Variants in FABP6 observed in about 807,000 individuals in gnomAD.
FABP6 encodes the protein gastrotropin.
A neutral mutation model predicts 14.9 loss-of-function variants in FABP6; 13 were observed. That is an observed-to-expected ratio of 0.87 (90% CI 0.57 to 1.39). The LOEUF (loss-of-function observed/expected upper bound fraction) is 1.39, where lower values mean the gene tolerates loss of function less well. Ranked by LOEUF, FABP6 falls within the 40% of genes most tolerant of loss-of-function variation. FABP6 has a pLI of 0.00. For synonymous variants in FABP6, 75 were observed against 63.6 expected (o/e 1.18, Z -0.85); for missense variants, 161 against 167.2 (o/e 0.96, Z 0.20).
chr5:160,212,817 A>T (rs1759920604), intron 2 of FABP6, among the ~76,000 whole-genome samples: 1 of 152,028 alleles, frequency 6.6e-6, no homozygotes, highest in South Asian at 2.1e-4. Flanking sequence ...GGGTTTCAGC[A>T]TGTTGGCCAG....
intron 2 of FABP6, among the ~76,000 whole-genome samples, chr5:160,206,784 A>G (rs778423739): frequency 2.0e-5 from 3 of 152,222 alleles, no homozygotes; most frequent in Non-Finnish European, 2.9e-5. Context: ...AGAGGGACTT[A>G]CAGACCAGAA....
intron 1 of FABP6, among the ~76,000 whole-genome samples, chr5:160,192,329 G>A (rs529278668): frequency 8.1e-5 from 2 of 24,720 alleles, no homozygotes; most frequent in African/African-American, 2.0e-4. Flanking sequence ...GCCCGGCCTC[G>A]CCAGTCTTAT....
At chr5:160,199,073 G>C (rs760701869) in exon 2 of FABP6, 1 of 1,613,586 alleles carries the variant, frequency 6.2e-7, no homozygotes, top group South Asian at 1.1e-5. Flanking sequence ...GCTCCAGGGA[G>C]CTCACAGGCA....
chr5:160,227,557 G>A (rs1760276681), upstream of FABP6, among the ~76,000 whole-genome samples: 1 of 149,534 alleles, frequency 6.7e-6, no homozygotes, highest in Admixed American at 6.7e-5. Context: ...ATGGTGGCAT[G>A]TACTTGTAGT....
upstream of FABP6, among the ~76,000 whole-genome samples, chr5:160,225,461 G>A (rs562421241): frequency 6.7e-6 from 1 of 149,296 alleles, no homozygotes; most frequent in Non-Finnish European, 1.5e-5. Flanking sequence ...GAGTGCAGTG[G>A]TGTGATCTCG....
intron 1 of FABP6, 174 bp from the exon 2 acceptor site, chr5:160,231,924 G>A (rs1476965010): frequency 1.5e-6 from 1 of 645,238 alleles, no homozygotes; most frequent in Middle Eastern, 4.0e-4. Context: ...ACTTTCCCCA[G>A]CCACATGGCT....
chr5:160,190,460 G>A (rs534146030), intron 1 of FABP6, among the ~76,000 whole-genome samples: 2 of 152,240 alleles, frequency 1.3e-5, no homozygotes, highest in East Asian at 1.9e-4. Flanking sequence ...TCGAACTCCC[G>A]ACCTCAGGCG....
At chr5:160,211,194 C>T (rs1448135365) in intron 2 of FABP6, among the ~76,000 whole-genome samples, 3 of 152,126 alleles carry the variant, frequency 2.0e-5, no homozygotes, top group Non-Finnish European at 2.9e-5. Context: ...TCCTTTCCCC[C>T]TTCTTCTGTC....
exon 2 of FABP6, chr5:160,199,115 A>G (rs1343471114): frequency 2.5e-6 from 4 of 1,614,036 alleles, no homozygotes; most frequent in Admixed American, 3.3e-5. Context: ...CGATGAAGAC[A>G]GTGACGATGA....
chr5:160,235,591 A>G (rs184769997), intron 3 of FABP6, among the ~76,000 whole-genome samples: 33 of 152,244 alleles, frequency 2.2e-4, no homozygotes, highest in Admixed American at 2.0e-3. Flanking sequence ...GTTAAAAGGG[A>G]AAAGAAGGCA....
intron 2 of FABP6, among the ~76,000 whole-genome samples, chr5:160,213,029 A>G (rs1457404583): frequency 1.3e-5 from 2 of 152,152 alleles, no homozygotes; most frequent in Non-Finnish European, 2.9e-5. Flanking sequence ...GGTAACTGTC[A>G]CGGACACTCT....
At chr5:160,222,458 C>T (rs1417478347) in intron 3 of FABP6, among the ~76,000 whole-genome samples, 1 of 152,048 alleles carries the variant, frequency 6.6e-6, no homozygotes, top group Non-Finnish European at 1.5e-5. Flanking sequence ...CTCAGCCTCC[C>T]AAGCAGCTGG....
Position 160,234,830 on chromosome 5 carries a change from A to C in FABP6, c.254A>C (p.Gln85Pro). 6.2e-7 allele frequency: 1 copy of C among 1,610,524 alleles called. No individual in the cohort carries two copies. The highest frequency in any genetic ancestry group is 8.5e-7 in the Non-Finnish European group (1 of 1,178,094). The change falls in exon 3 of 4, where the codon CAG becomes CCG. Residue 85 changes from glutamine (Q) to proline (P), a missense_variant. By Grantham distance (76) the Gln-to-Pro change is moderately conservative (BLOSUM62 -1). Transcript: ENST00000402432. Reference sequence around the variant, plus strand: ...GTGCTTCCATTCCAGGCCACTGTGCAGATGGAGGGCGGGAAGCTGGTGGTG... The same window carrying C: ...GTGCTTCCATTCCAGGCCACTGTGCCGATGGAGGGCGGGAAGCTGGTGGTG... ...MGGKTFKATV[Q>P]MEGGKLVVNF...
upstream of FABP6, chr5:160,228,433 A>G (rs1760298302): frequency 2.2e-6 from 1 of 456,090 alleles, no homozygotes; most frequent in African/African-American, 2.0e-5. Flanking sequence ...GCCTTTGCAG[A>G]GTGTTTTATA....
chr5:160,229,124 G>C (rs1282864926), upstream of FABP6, among the ~76,000 whole-genome samples: 2 of 152,222 alleles, frequency 1.3e-5, no homozygotes, highest in African/African-American at 4.8e-5. Context: ...AAAGGTGTGT[G>C]TCTCGTTCAT....
intron 3 of FABP6, among the ~76,000 whole-genome samples, chr5:160,223,818 G>A (rs1352657884): frequency 6.6e-6 from 1 of 151,734 alleles, no homozygotes; most frequent in Non-Finnish European, 1.5e-5. Context: ...AGGCCAATTA[G>A]GCTGGGCACG....
At position 160,209,158 on chromosome 5, in the gene FABP6, G is replaced by T. The variant is rs573096731; in HGVS notation, c.52-4578G>T. On this transcript the variant is annotated intron_variant, in intron 2 of 6. Transcript: ENST00000393980. ...TGTCCCAGCTACTCCAGAGGCTGAG[G>T]CTGCAGTGAGCCATCTTTGCATCAC... Among the ~76,000 whole-genome samples the T allele has an allele frequency of 5.3e-5, 8 of 152,232 alleles. No individual in the cohort carries two copies. In the East Asian group the frequency reaches 1.5e-3, roughly 29 times the overall value.
upstream of FABP6, among the ~76,000 whole-genome samples, chr5:160,227,416 A>C (rs550006480): frequency 2.6e-5 from 4 of 152,042 alleles, no homozygotes; most frequent in Admixed American, 2.6e-4. Context: ...AGTCCCAGCT[A>C]CTAGGGAGGC....
At position 160,219,968 on chromosome 5, in the gene FABP6, G is replaced by A. The variant is rs79301514; in HGVS notation, c.135+6149G>A. Among the ~76,000 whole-genome samples the A allele has an allele frequency of 7.5e-3, 1,146 of 152,172 alleles. 10 individuals carry two copies. The highest frequency in any genetic ancestry group is 0.02 in the South Asian group (97 of 4,802). On this transcript the variant is annotated intron_variant, in intron 3 of 6. Coordinates refer to the FABP6 transcript ENST00000393980. ...AGTAGCGTATGAACACAGCCTTACAGCCTATTCCACATAGATCTGAACAAA... is the reference window on the plus strand; with the variant it reads ...AGTAGCGTATGAACACAGCCTTACAACCTATTCCACATAGATCTGAACAAA...
Sources: gnomAD v4.1 joint callset for allele counts (sites outside exome capture counted in the v4.1 genomes callset) on GRCh38, gnomAD v4.1.1 for gene constraint, MANE v1.5 for transcripts, NCBI Gene and HGNC (gene_info 2026-07-23, HGNC 2026-07-21) for gene names.